Variants in NAV2 observed in about 807,000 individuals in gnomAD.
NAV2 encodes neuron navigator 2.
A neutral mutation model predicts 223.2 loss-of-function variants in NAV2; 54 were observed. The ratio of observed to expected loss-of-function variants is 0.24; its 90% CI spans 0.19 to 0.30. NAV2 has a LOEUF of 0.30. Among genes scored for constraint, NAV2 ranks in the 10% least tolerant of loss-of-function variants. The pLI, the probability that NAV2 is intolerant of heterozygous loss-of-function variation, is 1.00. For synonymous variants in NAV2, 1,279 were observed against 1,239.3 expected (o/e 1.03, Z -0.67); for missense variants, 2,806 against 3,147.5 (o/e 0.89, Z 2.60).
intron 1 of NAV2, among the ~76,000 whole-genome samples, chr11:19,404,196 C>T (rs1590136780): frequency 6.6e-6 from 1 of 152,118 alleles, no homozygotes; most frequent in African/African-American, 2.4e-5. Context: ...GGGCTTTCTT[C>T]ATGGAGGGGG....
chr11:19,806,137 C>G (rs1350757810), intron 1 of NAV2, among the ~76,000 whole-genome samples: 2 of 152,306 alleles, frequency 1.3e-5, no homozygotes, highest in African/African-American at 4.8e-5. Flanking sequence ...TATAGAGTTT[C>G]TTTCCCACAC....
chr11:19,557,147 G>A (rs561277306), intron 1 of NAV2, among the ~76,000 whole-genome samples: 4 of 152,326 alleles, frequency 2.6e-5, no homozygotes, highest in Non-Finnish European at 4.4e-5. Flanking sequence ...AAGGCAGTAA[G>A]TGCTCTCAGA....
At chr11:19,849,379 T>G (rs993380266) in intron 3 of NAV2, among the ~76,000 whole-genome samples, 1 of 152,182 alleles carries the variant, frequency 6.6e-6, no homozygotes, top group Non-Finnish European at 1.5e-5. Flanking sequence ...AGGGAGGAGA[T>G]GGAACATTTC....
At chr11:19,767,664 C>T (rs1469794072) in intron 1 of NAV2, among the ~76,000 whole-genome samples, 1 of 152,228 alleles carries the variant, frequency 6.6e-6, no homozygotes, top group Non-Finnish European at 1.5e-5. Flanking sequence ...ACATGGTCCC[C>T]ACAGCAATCT....
chr11:19,573,357 C>T (rs1337986976), intron 1 of NAV2, among the ~76,000 whole-genome samples: 4 of 152,174 alleles, frequency 2.6e-5, no homozygotes, highest in Admixed American at 2.0e-4. Flanking sequence ...TGGTTACCCA[C>T]TCCGAACTGG....
intron 31 of NAV2, among the ~76,000 whole-genome samples, chr11:20,100,080 G>A (rs1408903609): frequency 2.6e-5 from 4 of 152,170 alleles, no homozygotes; most frequent in Non-Finnish European, 4.4e-5. Flanking sequence ...TTATAAAACA[G>A]TACATACTCT....
intron 22 of NAV2, among the ~76,000 whole-genome samples, chr11:20,073,407 T>A (rs2059527392): frequency 6.6e-6 from 1 of 152,124 alleles, no homozygotes; most frequent in Non-Finnish European, 1.5e-5. Flanking sequence ...TTTTTTTGTT[T>A]TGTCTTTGCC....
At chr11:19,874,218 G>A (rs1186579419) in intron 4 of NAV2, among the ~76,000 whole-genome samples, 1 of 152,194 alleles carries the variant, frequency 6.6e-6, no homozygotes, top group Non-Finnish European at 1.5e-5. Flanking sequence ...ACCAGCCAGT[G>A]GGAAGAAAGC....
At chr11:19,906,963 AC>A (rs1358097784) in intron 6 of NAV2, among the ~76,000 whole-genome samples, 1 of 152,144 alleles carries the variant, frequency 6.6e-6, no homozygotes, top group Non-Finnish European at 1.5e-5. Context: ...GGCTCAGGAC[AC>A]CTGGGGTCTG....
chr11:19,762,034 G>A (rs537627098), intron 1 of NAV2, among the ~76,000 whole-genome samples: 5 of 152,296 alleles, frequency 3.3e-5, no homozygotes, highest in African/African-American at 7.2e-5. Context: ...CCTGAGGTCA[G>A]GAGTTCAAGA....
Position 20,097,722 on chromosome 11 carries a change from C to T in NAV2, c.6158C>T (p.Thr2053Met), listed in dbSNP as rs751690724. ...TGTGGCTATCTGGTTGGAGAGAACA[C>T]GACCATCTCAGTGACTGTGAAAGGT... ...LPCGYLVGEN[T>M]TISVTVKGLA... The change falls in exon 31 of 38, where the codon ACG becomes ATG. Residue 2053 changes from threonine (T) to methionine (M), a missense_variant. Physicochemically the swap from Thr to Met is moderately conservative, Grantham distance 81. Coordinates refer to ENST00000349880, the MANE Select transcript of NAV2 (RefSeq NM_145117.5). The T allele has an allele frequency of 1.2e-5, 20 of 1,601,818 alleles. No individual in the cohort carries two copies. Among genetic ancestry groups the T allele is most frequent in the Middle Eastern group, 1.7e-4 (1 of 5,984 alleles).
intron 1 of NAV2, among the ~76,000 whole-genome samples, chr11:19,631,350 T>G (rs57486875): frequency 0.013 from 1,936 of 151,274 alleles, 44 homozygotes; most frequent in East Asian, 0.066. Flanking sequence ...AGTGAGAACA[T>G]GCGGTGTTTG....
At chr11:20,093,315 C>T in intron 29 of NAV2, 116 bp downstream of exon 29, 1 of 696,572 alleles carries the variant, frequency 1.4e-6, no homozygotes. Flanking sequence ...TTTGGAAATA[C>T]TACTAACCCT....
intron 25 of NAV2, among the ~76,000 whole-genome samples, chr11:20,081,398 A>G (rs2060083233): frequency 6.6e-6 from 1 of 152,172 alleles, no homozygotes. Context: ...TGGTTATTCC[A>G]TTTTCTTCAA....
chr11:19,610,132 C>A (rs1436020643), intron 1 of NAV2, among the ~76,000 whole-genome samples: 6 of 152,200 alleles, frequency 3.9e-5, no homozygotes, highest in Non-Finnish European at 7.3e-5. Flanking sequence ...TATCCCCAGG[C>A]TCATGGGTGG....
chr11:19,684,629 C>T lies in NAV2; in HGVS notation c.76-147855C>T, dbSNP rs140855903. 1.3e-3 allele frequency among the ~76,000 whole-genome samples: 201 copies of T among 152,242 alleles called. 1 individual carries two copies. Among genetic ancestry groups the T allele is most frequent in the African/African-American group, 4.7e-3 (194 of 41,536 alleles). On this transcript the variant is annotated intron_variant, in intron 1 of 37. Coordinates refer to the NAV2 transcript ENST00000360655. Reference sequence around the variant, plus strand: ...TCCTCTCCAAGGGCACGGCCAAGGGCACTCACCCACTTCCAGATCACTCAA... The same window carrying T: ...TCCTCTCCAAGGGCACGGCCAAGGGTACTCACCCACTTCCAGATCACTCAA...
intron 12 of NAV2, among the ~76,000 whole-genome samples, chr11:20,037,170 TC>T (rs1207096739): frequency 1.3e-5 from 2 of 150,426 alleles, no homozygotes; most frequent in South Asian, 2.1e-4. Context: ...CCACCCCCCA[TC>T]TTTGGCGAAC....
Position 19,577,028 on chromosome 11 carries a change from C to T in NAV2, c.75+226001C>T, listed in dbSNP as rs143333849. Among the ~76,000 whole-genome samples the T allele has an allele frequency of 4.5e-3, 691 of 152,334 alleles. 12 individuals carry two copies. Among genetic ancestry groups the T allele is most frequent in the African/African-American group, 0.016 (665 of 41,568 alleles). On this transcript the variant is annotated intron_variant, in intron 1 of 37. Coordinates refer to the NAV2 transcript ENST00000360655. ...GAATTTGTCTTTTACTTCAAGGAAT[C>T]CCTGGGTTCCAGGAAGTGCCTTGCA...
At chr11:19,750,429 C>T (rs1337512716) in intron 1 of NAV2, among the ~76,000 whole-genome samples, 2 of 152,202 alleles carry the variant, frequency 1.3e-5, no homozygotes, top group African/African-American at 4.8e-5. Flanking sequence ...TCAAACAATG[C>T]TTTGGCCGTT....
Sources: gnomAD v4.1 joint callset for allele counts (sites outside exome capture counted in the v4.1 genomes callset) on GRCh38, gnomAD v4.1.1 for gene constraint, MANE v1.5 for transcripts, NCBI Gene and HGNC (gene_info 2026-07-23, HGNC 2026-07-21) for gene names.